LTBP1: variants seen among roughly 807,000 people sequenced by gnomAD.
LTBP1 encodes the protein latent-transforming growth factor beta-binding protein 1.
LTBP1 carries 129 observed loss-of-function variants against 207.6 expected under a neutral mutation model. The observed-to-expected ratio is 0.62, with a 90% confidence interval of 0.54 to 0.72. The LOEUF (loss-of-function observed/expected upper bound fraction) is 0.72, where lower values mean the gene tolerates loss of function less well. LTBP1 is among the 30% of genes least tolerant of loss of function. LTBP1 has a pLI of 0.00. For synonymous variants in LTBP1, 963 were observed against 833.7 expected, an observed-to-expected ratio of 1.16 and a Z score of -2.67; for missense variants, 2,281 against 2,217.2, an observed-to-expected ratio of 1.03 and a Z score of -0.58.
chr2:33,240,861 A>G (rs995969821), intron 9 of LTBP1, among the ~76,000 whole-genome samples: 5 of 152,018 alleles, frequency 3.3e-5, no homozygotes, highest in Non-Finnish European at 7.4e-5. Flanking sequence ...TGTGTTAGCC[A>G]GGATGGTCTC....
chr2:33,054,335 C>T (rs1289064087), intron 3 of LTBP1, among the ~76,000 whole-genome samples: 4 of 152,142 alleles, frequency 2.6e-5, no homozygotes, highest in African/African-American at 9.7e-5. Flanking sequence ...AGCTTCAGGC[C>T]TTAAGGGATA....
At chr2:33,234,614 G>A (rs1005056338) in intron 9 of LTBP1, among the ~76,000 whole-genome samples, 5 of 152,130 alleles carry the variant, frequency 3.3e-5, no homozygotes, top group African/African-American at 1.2e-4. Context: ...TCCTGGATAG[G>A]AAGCATCAAT....
At chr2:33,100,424 A>T (rs185702294) in intron 3 of LTBP1, among the ~76,000 whole-genome samples, 1 of 151,594 alleles carries the variant, frequency 6.6e-6, no homozygotes, top group Non-Finnish European at 1.5e-5. Flanking sequence ...GGATGGGGGC[A>T]GGGGGGGCAA....
At chr2:33,082,270 C>G (rs1391822113) in intron 3 of LTBP1, among the ~76,000 whole-genome samples, 3 of 152,052 alleles carry the variant, frequency 2.0e-5, no homozygotes, top group African/African-American at 7.2e-5. Flanking sequence ...GCCCCTTGAT[C>G]TTGGACTTCT....
At chr2:33,292,088 A>G (rs1402799678) in intron 19 of LTBP1, among the ~76,000 whole-genome samples, 2 of 152,180 alleles carry the variant, frequency 1.3e-5, no homozygotes, top group African/African-American at 2.4e-5. Context: ...GTTCTTGCTT[A>G]TTGATACCTC....
intron 3 of LTBP1, among the ~76,000 whole-genome samples, chr2:33,038,727 G>A (rs1323075165): frequency 6.6e-6 from 1 of 152,196 alleles, no homozygotes; most frequent in Non-Finnish European, 1.5e-5. Flanking sequence ...AGTTTCCTGT[G>A]CTGCAAGGAA....
intron 3 of LTBP1, among the ~76,000 whole-genome samples, chr2:33,102,444 A>G (rs1306046096): frequency 6.6e-6 from 1 of 152,162 alleles, no homozygotes; most frequent in Admixed American, 6.5e-5. Context: ...ACCACTGGTA[A>G]AGGAAGATTT....
intron 9 of LTBP1, among the ~76,000 whole-genome samples, chr2:33,241,105 A>T (rs1573377316): frequency 1.3e-5 from 2 of 152,300 alleles, no homozygotes; most frequent in East Asian, 3.9e-4. Context: ...AGCTCAGGAA[A>T]TATAAAAAAA....
intron 5 of LTBP1, among the ~76,000 whole-genome samples, chr2:33,167,779 A>G (rs537008877): frequency 1.1e-4 from 16 of 152,366 alleles, no homozygotes; most frequent in Admixed American, 5.9e-4. Flanking sequence ...GAGACTAAAA[A>G]GAACATGATG....
chr2:32,988,704 C>T (rs1683964615), intron 2 of LTBP1, among the ~76,000 whole-genome samples: 1 of 152,204 alleles, frequency 6.6e-6, no homozygotes, highest in African/African-American at 2.4e-5. Flanking sequence ...CCTTCAGGAT[C>T]AGCCTTTCCC....
At chr2:33,164,442 A>C (rs2148226352) in intron 5 of LTBP1, among the ~76,000 whole-genome samples, 2 of 151,962 alleles carry the variant, frequency 1.3e-5, no homozygotes, top group East Asian at 3.9e-4. Flanking sequence ...CCGGGAACCA[A>C]AAGAGCATTA....
chr2:33,050,488 C>G (rs988498196), intron 3 of LTBP1, among the ~76,000 whole-genome samples: 1 of 151,662 alleles, frequency 6.6e-6, no homozygotes, highest in South Asian at 2.1e-4. Context: ...ACATTAGACA[C>G]CAAAAAAATG....
At chr2:33,220,490 A>G (rs10192944) in intron 8 of LTBP1, among the ~76,000 whole-genome samples, 2 of 152,158 alleles carry the variant, frequency 1.3e-5, no homozygotes, top group African/African-American at 4.8e-5. Context: ...ATGATTTCTT[A>G]AATAGTTTGT....
chr2:33,091,589 T>C (rs1158804059), intron 3 of LTBP1, among the ~76,000 whole-genome samples: 1 of 152,226 alleles, frequency 6.6e-6, no homozygotes, highest in Non-Finnish European at 1.5e-5. Flanking sequence ...GCTGAATAAA[T>C]GCTGCTTATG....
intron 17 of LTBP1, 59 bp downstream of exon 17, chr2:33,275,149 A>G: frequency 6.2e-7 from 1 of 1,600,612 alleles, no homozygotes; most frequent in East Asian, 2.2e-5. Context: ...AGATCCCCTA[A>G]GACTATCATC....
At chr2:32,969,667 A>G (rs968455245) in intron 2 of LTBP1, among the ~76,000 whole-genome samples, 1 of 152,042 alleles carries the variant, frequency 6.6e-6, no homozygotes, top group East Asian at 1.9e-4. Flanking sequence ...TTCCTATCTA[A>G]TCTACTGTTG....
chr2:33,048,400 G>A (rs893071751), intron 3 of LTBP1, among the ~76,000 whole-genome samples: 1 of 152,178 alleles, frequency 6.6e-6, no homozygotes, highest in Admixed American at 6.5e-5. Flanking sequence ...TAATAGTAGA[G>A]AAAAACAGGT....
intron 3 of LTBP1, among the ~76,000 whole-genome samples, chr2:33,043,486 A>C (rs2076294125): frequency 6.6e-6 from 1 of 152,200 alleles, no homozygotes; most frequent in Admixed American, 6.5e-5. Context: ...AGTAGAGTGT[A>C]AGCTATGATC....
At chr2:33,130,388 G>A (rs1339144091) in intron 4 of LTBP1, among the ~76,000 whole-genome samples, 1 of 152,180 alleles carries the variant, frequency 6.6e-6, no homozygotes, top group East Asian at 1.9e-4. Flanking sequence ...CGAATGCTGA[G>A]GAGACTGTAT....
Sources: allele counts gnomAD v4.1 joint callset (sites outside exome capture counted in the v4.1 genomes callset), GRCh38; gene constraint gnomAD v4.1.1; transcripts MANE v1.5; gene names NCBI Gene and HGNC (gene_info 2026-07-23, HGNC 2026-07-21).